The following TEX36 variants were observed in gnomAD, a reference collection of about 807,000 sequenced individuals.
TEX36 encodes testis expressed 36.
In TEX36, 12 loss-of-function variants were observed where a neutral mutation model predicts 13.6. The ratio of observed to expected loss-of-function variants is 0.88; its 90% confidence interval spans 0.56 to 1.43. The LOEUF (loss-of-function observed/expected upper bound fraction) is 1.43, where lower values mean the gene tolerates loss of function less well. TEX36 is among the 40% of genes most tolerant of loss of function. TEX36 has a pLI of 0.00. For missense variants in TEX36, 224 were observed against 228.3 expected, an observed-to-expected ratio of 0.98 and a Z score of 0.12; for synonymous variants, 93 against 83.0, an observed-to-expected ratio of 1.12 and a Z score of -0.65.
intron 1 of TEX36, among the ~76,000 whole-genome samples, chr10:125,675,367 T>C (rs1847294894): frequency 6.6e-6 from 1 of 151,328 alleles, no homozygotes; most frequent in Non-Finnish European, 1.5e-5. Flanking sequence ...TGATGACAGC[T>C]GCCCCTCTCC....
intron 3 of TEX36, among the ~76,000 whole-genome samples, chr10:125,639,144 C>T (rs1264979185): frequency 2.0e-5 from 3 of 152,188 alleles, no homozygotes; most frequent in African/African-American, 7.2e-5. Flanking sequence ...TGCTCTTACA[C>T]ATATATCCAA....
At chr10:125,668,619 C>A (rs939969748) in intron 1 of TEX36, among the ~76,000 whole-genome samples, 3 of 152,144 alleles carry the variant, frequency 2.0e-5, no homozygotes, top group African/African-American at 7.2e-5. Context: ...TGTGGCTAGT[C>A]TAGCAAGGAG....
intron 3 of TEX36, among the ~76,000 whole-genome samples, chr10:125,609,393 T>C (rs1846261779): frequency 1.3e-5 from 2 of 152,166 alleles, no homozygotes; most frequent in African/African-American, 4.8e-5. Flanking sequence ...TTCCTCTTTT[T>C]CTTGGGCACA....
chr10:125,627,145 A>AT (rs1281440520), intron 3 of TEX36, among the ~76,000 whole-genome samples: 2 of 152,338 alleles, frequency 1.3e-5, no homozygotes, highest in African/African-American at 4.8e-5. Flanking sequence ...AGAGAAAAAG[A>AT]TTTTTTAAAT....
At chr10:125,668,445 G>T (rs1265217992) in intron 1 of TEX36, among the ~76,000 whole-genome samples, 4 of 151,842 alleles carry the variant, frequency 2.6e-5, no homozygotes, top group Non-Finnish European at 4.4e-5. Flanking sequence ...TTCCCAGTTT[G>T]TCAGCATATA....
At chr10:125,637,352 T>A (rs1309993213) in intron 3 of TEX36, among the ~76,000 whole-genome samples, 7 of 152,032 alleles carry the variant, frequency 4.6e-5, no homozygotes, top group South Asian at 2.1e-4. Flanking sequence ...TCTTCTTATG[T>A]GTCTGACATT....
intron 3 of TEX36, among the ~76,000 whole-genome samples, chr10:125,600,271 G>C (rs1846129789): frequency 6.6e-6 from 1 of 152,166 alleles, no homozygotes; most frequent in African/African-American, 2.4e-5. Flanking sequence ...AGTTGATGTA[G>C]AGGGGCCCAG....
intron 3 of TEX36, among the ~76,000 whole-genome samples, chr10:125,657,695 T>C (rs1846970636): frequency 6.6e-6 from 1 of 152,102 alleles, no homozygotes; most frequent in South Asian, 2.1e-4. Flanking sequence ...GATTTCAACT[T>C]GATTAGGGAA....
intron 3 of TEX36, among the ~76,000 whole-genome samples, chr10:125,596,375 G>C (rs1468104456): frequency 6.6e-6 from 1 of 152,094 alleles, no homozygotes; most frequent in Non-Finnish European, 1.5e-5. Flanking sequence ...GGGAAGAGGA[G>C]GAAGAGGGAG....
chr10:125,646,610 A>T (rs566815656), intron 3 of TEX36, among the ~76,000 whole-genome samples: 1 of 152,328 alleles, frequency 6.6e-6, no homozygotes, highest in African/African-American at 2.4e-5. Context: ...CAGCAACAAA[A>T]ATGTAGAGTT....
intron 3 of TEX36, among the ~76,000 whole-genome samples, chr10:125,644,955 A>G (rs1046130661): frequency 1.2e-4 from 18 of 152,178 alleles, no homozygotes; most frequent in African/African-American, 3.9e-4. Context: ...CCATGTAGCA[A>G]GGAGCTGAGA....
chr10:125,580,390 T>G (rs1216525953), intron 3 of TEX36, among the ~76,000 whole-genome samples: 1 of 152,244 alleles, frequency 6.6e-6, no homozygotes, highest in Non-Finnish European at 1.5e-5. Flanking sequence ...CCAACTTTAT[T>G]CATGCCTGAT....
chr10:125,650,199 T>C (rs1846831738), intron 3 of TEX36, among the ~76,000 whole-genome samples: 2 of 152,186 alleles, frequency 1.3e-5, no homozygotes, highest in African/African-American at 4.8e-5. Context: ...TATACATTCT[T>C]CTCAGCACCA....
chr10:125,581,860 G>T (rs1209945475), intron 3 of TEX36, among the ~76,000 whole-genome samples: 2 of 152,202 alleles, frequency 1.3e-5, no homozygotes, highest in African/African-American at 2.4e-5. Flanking sequence ...GCCATGAACT[G>T]GGCATATCCC....
chr10:125,668,711 A>G (rs980249848), intron 1 of TEX36, among the ~76,000 whole-genome samples: 1 of 151,786 alleles, frequency 6.6e-6, no homozygotes, highest in African/African-American at 2.4e-5. Flanking sequence ...TCTCTATTTC[A>G]TTTAGTTCTG....
intron 3 of TEX36, among the ~76,000 whole-genome samples, chr10:125,611,484 A>G (rs1032948794): frequency 3.3e-5 from 5 of 152,170 alleles, no homozygotes; most frequent in Non-Finnish European, 5.9e-5. Flanking sequence ...TTAGATGTTT[A>G]TTGGCCTTCT....
At chr10:125,618,732 A>G (rs1317008169), downstream of TEX36, among the ~76,000 whole-genome samples, 1 of 151,972 alleles carries the variant, frequency 6.6e-6, no homozygotes, top group Non-Finnish European at 1.5e-5. Context: ...TCTCCAAGAA[A>G]GGTTATCTTT....
intron 3 of TEX36, among the ~76,000 whole-genome samples, chr10:125,592,025 T>C (rs1846026901): frequency 6.6e-6 from 1 of 152,234 alleles, no homozygotes; most frequent in South Asian, 2.1e-4. Flanking sequence ...ACATGTTGAA[T>C]GTGCTTATTG....
chr10:125,631,388 C>T (rs900423180), intron 3 of TEX36, among the ~76,000 whole-genome samples: 1 of 152,180 alleles, frequency 6.6e-6, no homozygotes, highest in Non-Finnish European at 1.5e-5. Context: ...CACACACCTT[C>T]GGGGTGGGCC....
Sources: allele counts gnomAD v4.1 joint callset (sites outside exome capture counted in the v4.1 genomes callset), GRCh38; gene constraint gnomAD v4.1.1; transcripts MANE v1.5; gene names NCBI Gene and HGNC (gene_info 2026-07-23, HGNC 2026-07-21).